Variants in CIMIP7 observed in about 807,000 individuals in gnomAD.
The protein encoded by CIMIP7 is uncharacterized protein C3orf84.
chr3:49,184,551 C>T, the CIMIP7 span, among the ~76,000 whole-genome samples: 1 of 151,736 alleles, frequency 6.6e-6, no homozygotes, highest in African/African-American at 2.4e-5. Flanking sequence ...GAACTCCTGA[C>T]CTTGAGCAGT....
chr3:49,180,610 T>C, the CIMIP7 span, among the ~76,000 whole-genome samples: 1 of 151,704 alleles, frequency 6.6e-6, no homozygotes, highest in Non-Finnish European at 1.5e-5. Context: ...ATCTTCAGAG[T>C]AGAGCTTATT....
chr3:49,191,730 A>G, the CIMIP7 span: 34 of 1,593,778 alleles, frequency 2.1e-5, no homozygotes, highest in African/African-American at 3.1e-4. Flanking sequence ...GGATTAACAT[A>G]AAGTGCACTC....
At chr3:49,186,587 T>G in the CIMIP7 span, among the ~76,000 whole-genome samples, 5 of 152,018 alleles carry the variant, frequency 3.3e-5, no homozygotes, top group Non-Finnish European at 7.4e-5. Context: ...GTATTTTTCG[T>G]AGAGATGGGG....
At chr3:49,191,657 A>G in the CIMIP7 span, 1 of 1,461,244 alleles carries the variant, frequency 6.8e-7, no homozygotes, top group Non-Finnish European at 9.5e-7. Flanking sequence ...CCAAATGAAA[A>G]CCTTTTCACT....
At chr3:49,184,464 G>C in the CIMIP7 span, among the ~76,000 whole-genome samples, 1 of 152,116 alleles carries the variant, frequency 6.6e-6, no homozygotes, top group African/African-American at 2.4e-5. Context: ...TGGGATTACA[G>C]GCATGTGCCA....
chr3:49,184,649 G>T, the CIMIP7 span, among the ~76,000 whole-genome samples: 1 of 135,550 alleles, frequency 7.4e-6, no homozygotes, highest in African/African-American at 2.8e-5. Flanking sequence ...TTTTTTTTGA[G>T]ATGGAGTCTT....
the CIMIP7 span, among the ~76,000 whole-genome samples, chr3:49,179,031 T>A: frequency 6.6e-6 from 1 of 152,142 alleles, no homozygotes; most frequent in Non-Finnish European, 1.5e-5. Context: ...CATCTCCATG[T>A]AAATGCCTAA....
the CIMIP7 span, among the ~76,000 whole-genome samples, chr3:49,183,463 C>A: frequency 6.6e-6 from 1 of 152,158 alleles, no homozygotes. Context: ...GGGTGGATAA[C>A]CTGAGGTCAG....
the CIMIP7 span, among the ~76,000 whole-genome samples, chr3:49,186,267 G>A: frequency 1.3e-5 from 2 of 151,764 alleles, no homozygotes; most frequent in African/African-American, 4.8e-5. Context: ...CCAAAGTGCT[G>A]GGATTACAGG....
the CIMIP7 span, among the ~76,000 whole-genome samples, chr3:49,183,409 G>A: frequency 2.0e-4 from 31 of 152,312 alleles, no homozygotes; most frequent in African/African-American, 4.1e-4. Flanking sequence ...GCAGCCGGGC[G>A]CGGTGGCTCA....
the CIMIP7 span, among the ~76,000 whole-genome samples, chr3:49,190,378 T>A: frequency 2.0e-5 from 3 of 152,108 alleles, no homozygotes; most frequent in African/African-American, 7.2e-5. Flanking sequence ...GGGCTATGCA[T>A]GTGTAGGGAA....
chr3:49,190,134 T>C, the CIMIP7 span: 3 of 1,599,226 alleles, frequency 1.9e-6, no homozygotes, highest in African/African-American at 2.7e-5. Context: ...GAAGCCATTG[T>C]TGTGCTATAA....
the CIMIP7 span, chr3:49,190,065 G>A: frequency 6.2e-7 from 1 of 1,613,324 alleles, no homozygotes; most frequent in Non-Finnish European, 8.5e-7. Context: ...CTGGGGCTTG[G>A]CTGCAAGGTG....
chr3:49,178,512 G>A, the CIMIP7 span: 3 of 1,613,684 alleles, frequency 1.9e-6, no homozygotes, highest in South Asian at 2.2e-5. Context: ...TGTCGTGCTT[G>A]GAGAAGAAGT....
At chr3:49,178,879 C>T in the CIMIP7 span, among the ~76,000 whole-genome samples, 1 of 152,118 alleles carries the variant, frequency 6.6e-6, no homozygotes, top group Non-Finnish European at 1.5e-5. Flanking sequence ...GACTCTAGTC[C>T]TCTCCTCCCC....
chr3:49,178,348 G>A, the CIMIP7 span: 4 of 789,932 alleles, frequency 5.1e-6, no homozygotes, highest in Non-Finnish European at 8.3e-6. Flanking sequence ...AGTTTGTGGG[G>A]GAAGACAGCC....
chr3:49,186,465 G>A, the CIMIP7 span, among the ~76,000 whole-genome samples: 26 of 148,716 alleles, frequency 1.7e-4, no homozygotes, highest in African/African-American at 6.5e-4. Context: ...GTGCAGTGGT[G>A]CGATCGCGGC....
chr3:49,178,559 A>G, the CIMIP7 span: 1 of 1,609,000 alleles, frequency 6.2e-7, no homozygotes, highest in Non-Finnish European at 8.5e-7. Flanking sequence ...AGTGAGAAAG[A>G]AGGTGAATGG....
At chr3:49,182,893 G>A in the CIMIP7 span, among the ~76,000 whole-genome samples, 1 of 152,190 alleles carries the variant, frequency 6.6e-6, no homozygotes, top group East Asian at 1.9e-4. Flanking sequence ...GCCCGGGGCG[G>A]GGGGGCCAGC....
Sources: gnomAD v4.1 joint callset for allele counts (sites outside exome capture counted in the v4.1 genomes callset) on GRCh38, gnomAD v4.1.1 for gene constraint, MANE v1.5 for transcripts, NCBI Gene and HGNC (gene_info 2026-07-23, HGNC 2026-07-21) for gene names.